The following MAML2 variants were observed in gnomAD, a reference collection of about 807,000 sequenced individuals.
MAML2 encodes the protein mastermind like transcriptional coactivator 2, also known as mastermind-like protein 2.
Under a neutral mutation model 96.1 loss-of-function variants are expected in MAML2, and 22 were observed. The ratio of observed to expected loss-of-function variants is 0.23; its 90% CI spans 0.16 to 0.33. The LOEUF (loss-of-function observed/expected upper bound fraction) is 0.33, where lower values mean the gene tolerates loss of function less well. MAML2 is among the 10% of genes least tolerant of loss of function. MAML2 has a pLI of 1.00. For synonymous variants in MAML2, 561 were observed against 521.3 expected, an observed-to-expected ratio of 1.08 and a Z score of -1.04; for missense variants, 1,367 against 1,392.4, an observed-to-expected ratio of 0.98 and a Z score of 0.29.
intron 1 of MAML2, among the ~76,000 whole-genome samples, chr11:96,257,042 G>C (rs1862678455): frequency 6.6e-6 from 1 of 152,188 alleles, no homozygotes; most frequent in Non-Finnish European, 1.5e-5. Context: ...TAAAAATACA[G>C]TTTCCAGCAG....
chr11:96,338,273 T>G (rs1379845628), intron 1 of MAML2, among the ~76,000 whole-genome samples: 1 of 152,236 alleles, frequency 6.6e-6, no homozygotes, highest in Non-Finnish European at 1.5e-5. Context: ...TGGTTAGAAA[T>G]GCAGATCTGC....
intron 2 of MAML2, among the ~76,000 whole-genome samples, chr11:96,036,411 C>T (rs574287961): frequency 5.3e-5 from 8 of 152,160 alleles, no homozygotes; most frequent in Non-Finnish European, 1.2e-4. Context: ...TAGCACTACT[C>T]TCTGCAGGAA....
At chr11:96,150,996 G>C (rs1346713143) in intron 1 of MAML2, among the ~76,000 whole-genome samples, 1 of 152,086 alleles carries the variant, frequency 6.6e-6, no homozygotes, top group Non-Finnish European at 1.5e-5. Context: ...AAACTCTTTT[G>C]GTGATCTGAA....
intron 1 of MAML2, among the ~76,000 whole-genome samples, chr11:96,283,727 G>A (rs12575274): frequency 0.15 from 22,789 of 152,074 alleles, 1,995 homozygotes; most frequent in East Asian, 0.24. Context: ...TCCTCATTGA[G>A]CTATTATATG....
intron 1 of MAML2, among the ~76,000 whole-genome samples, chr11:96,144,346 A>G (rs1460495866): frequency 6.6e-6 from 1 of 152,220 alleles, no homozygotes; most frequent in Non-Finnish European, 1.5e-5. Context: ...TCTATAATCC[A>G]TTGCTGACTA....
At chr11:96,240,511 A>G (rs954693333) in intron 1 of MAML2, among the ~76,000 whole-genome samples, 5 of 134,488 alleles carry the variant, frequency 3.7e-5, no homozygotes, top group Non-Finnish European at 7.7e-5. Flanking sequence ...AGATTGCGCC[A>G]CTGCAGTCCG....
At chr11:96,106,979 C>T (rs1011890277) in intron 1 of MAML2, among the ~76,000 whole-genome samples, 6 of 7,488 alleles carry the variant, frequency 8.0e-4, no homozygotes, top group Admixed American at 2.4e-3. Flanking sequence ...TGAAAAGAGT[C>T]CTTTTTTTTT....
intron 1 of MAML2, among the ~76,000 whole-genome samples, chr11:96,099,612 A>G (rs1859888711): frequency 2.0e-5 from 3 of 152,116 alleles, no homozygotes; most frequent in Non-Finnish European, 4.4e-5. Context: ...TGTTTTAATA[A>G]TTATTCGTTG....
chr11:96,188,460 T>C (rs1312443139), intron 1 of MAML2, among the ~76,000 whole-genome samples: 1 of 152,178 alleles, frequency 6.6e-6, no homozygotes, highest in Non-Finnish European at 1.5e-5. Flanking sequence ...TAAGAACTTC[T>C]GATGAGAAAA....
chr11:96,307,440 C>T lies in MAML2; in HGVS notation c.513+33943G>A, dbSNP rs149958614. On this transcript the variant is annotated intron_variant, in intron 1 of 4. Transcript: ENST00000524717. ...CCCTTAAAGTATATTCCTTAATGTG[C>T]CTTGCTGCCCTGATTACCCAGTGGC... Among the ~76,000 whole-genome samples the T allele has an allele frequency of 4.7e-4, 71 of 152,218 alleles. 1 individual carries two copies. Among genetic ancestry groups the T allele is most frequent in the African/African-American group, 1.7e-3 (71 of 41,514 alleles).
intron 2 of MAML2, among the ~76,000 whole-genome samples, chr11:96,034,950 G>A (rs1334774018): frequency 6.6e-6 from 1 of 152,158 alleles, no homozygotes; most frequent in Non-Finnish European, 1.5e-5. Context: ...GAGTGTCCAA[G>A]AGGTTTAGTT....
chr11:96,157,664 T>G (rs1861033443), intron 1 of MAML2, among the ~76,000 whole-genome samples: 1 of 152,248 alleles, frequency 6.6e-6, no homozygotes, highest in African/African-American at 2.4e-5. Context: ...GTATCTATGA[T>G]CTACCCATTT....
At chr11:96,302,294 G>A (rs928226330) in intron 1 of MAML2, among the ~76,000 whole-genome samples, 4 of 152,092 alleles carry the variant, frequency 2.6e-5, no homozygotes, top group Non-Finnish European at 5.9e-5. Flanking sequence ...GATTATAAAG[G>A]CATAAGAAAG....
intron 2 of MAML2, among the ~76,000 whole-genome samples, chr11:96,076,217 T>C (rs1405728215): frequency 6.6e-6 from 1 of 152,162 alleles, no homozygotes; most frequent in Non-Finnish European, 1.5e-5. Flanking sequence ...CCTGGAGGTA[T>C]GAATGGTGTG....
chr11:96,139,245 A>AAT (rs1860692512), intron 1 of MAML2, among the ~76,000 whole-genome samples: 1 of 152,164 alleles, frequency 6.6e-6, no homozygotes, highest in African/African-American at 2.4e-5. Context: ...TGGGAGGCCG[A>AAT]GGCGGGCAGA....
intron 1 of MAML2, among the ~76,000 whole-genome samples, chr11:96,335,119 T>C (rs187767292): frequency 4.9e-4 from 74 of 152,310 alleles, no homozygotes; most frequent in African/African-American, 1.8e-3. Flanking sequence ...GGTCCCTTAC[T>C]TTTCCCTTGT....
chr11:96,235,251 G>C (rs562603675), intron 1 of MAML2, among the ~76,000 whole-genome samples: 1 of 152,138 alleles, frequency 6.6e-6, no homozygotes, highest in African/African-American at 2.4e-5. Flanking sequence ...GGCCAAATCT[G>C]GCCTGCAGGC....
intron 2 of MAML2, among the ~76,000 whole-genome samples, chr11:96,005,437 T>C (rs180679311): frequency 7.9e-5 from 12 of 152,234 alleles, no homozygotes; most frequent in Middle Eastern, 3.2e-3. Flanking sequence ...GCTAGAATAG[T>C]TGAAATTCCA....
At chr11:96,328,319 G>A (rs761544202) in intron 1 of MAML2, among the ~76,000 whole-genome samples, 42 of 152,034 alleles carry the variant, frequency 2.8e-4, no homozygotes, top group Non-Finnish European at 5.6e-4. Context: ...CTTAACAGAA[G>A]AAATTCTAAG....
Sources: gnomAD v4.1 joint callset for allele counts (sites outside exome capture counted in the v4.1 genomes callset) on GRCh38, gnomAD v4.1.1 for gene constraint, MANE v1.5 for transcripts, NCBI Gene and HGNC (gene_info 2026-07-23, HGNC 2026-07-21) for gene names.